The following SLC6A5 variants were observed in gnomAD, a reference collection of about 807,000 sequenced individuals.
The protein encoded by SLC6A5 is solute carrier family 6 member 5.
Under a neutral mutation model 90.5 loss-of-function variants are expected in SLC6A5, and 58 were observed. The ratio of observed to expected loss-of-function variants is 0.64; its 90% confidence interval spans 0.52 to 0.80. The LOEUF (loss-of-function observed/expected upper bound fraction) is 0.80. Among genes scored for constraint, SLC6A5 ranks in the 30% least tolerant of loss-of-function variants. SLC6A5 has a pLI of 0.00. For synonymous variants in SLC6A5, 427 were observed against 401.4 expected (o/e 1.06, Z -0.76); for missense variants, 1,015 against 1,017.6 (o/e 1.00, Z 0.03).
chr11:20,632,293 G>A (rs1325991159), intron 10 of SLC6A5, among the ~76,000 whole-genome samples: 1 of 152,166 alleles, frequency 6.6e-6, no homozygotes, highest in Admixed American at 6.5e-5. Flanking sequence ...TGGAACCAGT[G>A]GCCAACCTGC....
At chr11:20,611,635 T>G (rs1185703940) in intron 5 of SLC6A5, among the ~76,000 whole-genome samples, 2 of 152,220 alleles carry the variant, frequency 1.3e-5, no homozygotes, top group Non-Finnish European at 2.9e-5. Context: ...CCTTGTTCAG[T>G]GGCTCTTATG....
chr11:20,600,985 T>G (rs1299452800), intron 1 of SLC6A5, 144 bp from the exon 2 acceptor site: 1 of 777,592 alleles, frequency 1.3e-6, no homozygotes, highest in African/African-American at 1.8e-5. Flanking sequence ...ATTGCAGCCT[T>G]TCTTTTAAAA....
intron 13 of SLC6A5, among the ~76,000 whole-genome samples, chr11:20,641,199 G>A (rs1416664234): frequency 2.6e-5 from 4 of 152,074 alleles, no homozygotes; most frequent in African/African-American, 9.7e-5. Flanking sequence ...CCAGTACAGG[G>A]GCCTTTTGGC....
At chr11:20,627,422 C>T (rs1292966224) in intron 8 of SLC6A5, among the ~76,000 whole-genome samples, 3 of 152,104 alleles carry the variant, frequency 2.0e-5, no homozygotes, top group Non-Finnish European at 4.4e-5. Context: ...CTCTGCTTTT[C>T]CAGGATGTGT....
intron 7 of SLC6A5, among the ~76,000 whole-genome samples, chr11:20,626,251 A>T (rs1852991137): frequency 6.6e-6 from 1 of 152,208 alleles, no homozygotes; most frequent in South Asian, 2.1e-4. Context: ...TAATTCTAAT[A>T]TCATGTTCTT....
In SLC6A5 at chr11:20,636,372, G is replaced by A; in HGVS notation, c.1690G>A (p.Ala564Thr). The change falls in exon 11 of 16, where the codon GCC becomes ACC. Residue 564 changes from alanine to threonine, a missense_variant. Around this residue, in one of 3 missense-constraint regions of SLC6A5, gnomAD observed 442 missense variants for 494.3 expected, o/e 0.89. Coordinates refer to ENST00000525748, the MANE Select transcript of SLC6A5 (RefSeq NM_004211.5). ...LTRLPLSPFW[A>T]IIFFLMLLTL... Reference sequence around the variant, plus strand: ...CAGGCTGCCTCTCTCTCCGTTCTGGGCCATCATCTTTTTCCTGATGCTCCT... The same window carrying A: ...CAGGCTGCCTCTCTCTCCGTTCTGGACCATCATCTTTTTCCTGATGCTCCT... 6.2e-7 allele frequency: 1 copy of A among 1,613,898 alleles called. No individual in the cohort carries two copies. Among genetic ancestry groups the A allele is most frequent in the East Asian group, 2.2e-5 (1 of 44,874 alleles).
At chr11:20,602,691 GCACA>G (rs3045384) in intron 2 of SLC6A5, among the ~76,000 whole-genome samples, 32,540 of 150,510 alleles carry the variant, frequency 0.22, 4,033 homozygotes, top group Non-Finnish European at 0.28. Context: ...TTTAGTGTTT[GCACA>G]CACACACACA....
chr11:20,651,919 A>T (rs932127253), intron 14 of SLC6A5, among the ~76,000 whole-genome samples: 3 of 151,876 alleles, frequency 2.0e-5, no homozygotes, highest in Non-Finnish European at 4.4e-5. Context: ...AAGAAAAAAA[A>T]AAGAAAAAGA....
chr11:20,618,980 A>ACACACACACACAC (rs1555041127), intron 7 of SLC6A5, among the ~76,000 whole-genome samples: 19 of 146,540 alleles, frequency 1.3e-4, no homozygotes, highest in South Asian at 4.4e-4. Flanking sequence ...ACACACACAC[A>ACACACACACACAC]AAGAAAAACC....
rs1174347806 is a variant in SLC6A5 at position 20,656,194 on chromosome 11, G to GAA, written c.*1328_*1329dup. 6.6e-6 allele frequency: 1 copy of GAA among 152,184 alleles called. No individual in the cohort carries two copies. The highest frequency in any genetic ancestry group is 1.5e-5 in the Non-Finnish European group (1 of 68,022). 9.4% of individuals were successfully genotyped at this position (152,184 alleles called of 1,614,324 possible). A position where few individuals can be genotyped will look rare whatever the true frequency, so the allele number is the denominator to read the frequency against. ...TCTTGTATCCTGAACATGCATATAT[G>GAA]AAATTTTTAAAATGTGACATGTGTT... On this transcript the variant is annotated 3_prime_UTR_variant, in exon 16 of 16. Transcript: ENST00000525748.
intron 1 of SLC6A5, 37 bp downstream of exon 1, chr11:20,599,712 G>A: frequency 1.2e-6 from 2 of 1,613,630 alleles, no homozygotes; most frequent in Non-Finnish European, 1.7e-6. Flanking sequence ...GAGGAAAGGG[G>A]GCTGAGGGGA....
chr11:20,635,139 A>G (rs1378354313), intron 10 of SLC6A5, among the ~76,000 whole-genome samples: 1 of 152,120 alleles, frequency 6.6e-6, no homozygotes, highest in Non-Finnish European at 1.5e-5. Flanking sequence ...CACTCATAAT[A>G]GAAGATAATA....
Position 20,600,206 on chromosome 11 carries a change from G to A in SLC6A5, c.3+531G>A, listed in dbSNP as rs575506485. On this transcript the variant is annotated intron_variant, in intron 1 of 15. Coordinates refer to ENST00000525748, the MANE Select transcript of SLC6A5 (RefSeq NM_004211.5). The stretch of plus-strand genomic sequence containing the variant: ...GTGGATAGAAAAACCACCGCTGGCA[G>A]TTCTTTTCATTTGAAAGTGAATTGG... 4.6e-4 allele frequency among the ~76,000 whole-genome samples: 70 copies of A among 152,224 alleles called. 1 individual carries two copies. The highest frequency in any genetic ancestry group is 1.0e-3 in the Admixed American group (16 of 15,288).
chr11:20,637,100 T>G (rs1853222366), intron 11 of SLC6A5, 72 bp from the exon 12 acceptor site: 4 of 1,498,232 alleles, frequency 2.7e-6, no homozygotes, highest in Non-Finnish European at 3.7e-6. Flanking sequence ...GGATGGGACA[T>G]ACAAAGGGCT....
At chr11:20,621,995 G>A (rs1006554895) in intron 7 of SLC6A5, among the ~76,000 whole-genome samples, 1 of 152,140 alleles carries the variant, frequency 6.6e-6, no homozygotes, top group African/African-American at 2.4e-5. Flanking sequence ...GCTCGTACAG[G>A]CTGTTGGGCC....
rs559522039 is a variant in SLC6A5 at position 20,627,557 on chromosome 11, A to G, written c.1396-423A>G. 9.2e-4 allele frequency among the ~76,000 whole-genome samples: 140 copies of G among 152,350 alleles called. 1 individual carries two copies. The highest frequency in any genetic ancestry group is 3.2e-3 in the African/African-American group (134 of 41,584). On this transcript the variant is annotated intron_variant, in intron 8 of 15. Transcript: ENST00000525748. ...AGGTTGCTTTACTGAGATTGGGGCT[A>G]CAGAGTTTCAGAAATTTAATAGCAG...
intron 10 of SLC6A5, among the ~76,000 whole-genome samples, chr11:20,634,221 C>G (rs1274254437): frequency 6.6e-6 from 1 of 152,192 alleles, no homozygotes; most frequent in Non-Finnish European, 1.5e-5. Context: ...CCACTGGGCT[C>G]TACTGCCTCC....
rs143654773 is a variant in SLC6A5 at position 20,625,347 on chromosome 11, C to T, written c.1261-1361C>T. Among the ~76,000 whole-genome samples, 1,492 of 152,230 alleles carry T rather than the reference C, an allele frequency of 9.8e-3. 12 individuals are homozygous for T. The highest frequency in any genetic ancestry group is 0.017 in the African/African-American group (705 of 41,528). On this transcript the variant is annotated intron_variant, in intron 7 of 15. Coordinates refer to ENST00000525748, the MANE Select transcript of SLC6A5 (RefSeq NM_004211.5). ...CGTGATCTCTGCTCACTGCAACCTC[C>T]GCCTCCTGGGTTCAAGTGATTTTCC... is the stretch of plus-strand genomic sequence containing the variant.
At chr11:20,618,517 GGT>G (rs1272089929) in intron 7 of SLC6A5, among the ~76,000 whole-genome samples, 1 of 152,144 alleles carries the variant, frequency 6.6e-6, no homozygotes, top group African/African-American at 2.4e-5. Flanking sequence ...CTTTGGAGAT[GGT>G]GAAACTCCCA....
Sources: allele counts gnomAD v4.1 joint callset (sites outside exome capture counted in the v4.1 genomes callset), GRCh38; gene constraint gnomAD v4.1.1; regional missense constraint gnomAD v4.1.1; transcripts MANE v1.5; gene names NCBI Gene and HGNC (gene_info 2026-07-23, HGNC 2026-07-21).